ERBB4: variants seen among roughly 807,000 people sequenced by gnomAD.
The protein encoded by ERBB4 is erb-b2 receptor tyrosine kinase 4, also known as receptor tyrosine-protein kinase erbB-4.
ERBB4 carries 42 observed loss-of-function variants against 158.0 expected under a neutral mutation model. The ratio of observed to expected loss-of-function variants is 0.27; its 90% CI spans 0.21 to 0.34. The LOEUF (loss-of-function observed/expected upper bound fraction) is 0.34, where lower values mean the gene tolerates loss of function less well. Ranked by LOEUF, ERBB4 falls within the 10% of genes least tolerant of loss-of-function variation. The pLI, the probability that ERBB4 is intolerant of heterozygous loss-of-function variation, is 1.00. For missense variants in ERBB4, 1,333 were observed against 1,624.1 expected (o/e 0.82, Z 3.08); for synonymous variants, 583 against 558.7 (o/e 1.04, Z -0.61).
At chr2:211,393,911 G>A (rs1452501646) in intron 25 of ERBB4, among the ~76,000 whole-genome samples, 1 of 151,936 alleles carries the variant, frequency 6.6e-6, no homozygotes, top group Non-Finnish European at 1.5e-5. Flanking sequence ...TAACTGGAGA[G>A]CACAAAGATT....
intron 15 of ERBB4, among the ~76,000 whole-genome samples, chr2:211,658,306 C>A (rs1036307614): frequency 1.3e-5 from 2 of 152,078 alleles, no homozygotes; most frequent in Non-Finnish European, 2.9e-5. Context: ...CATGTCTCAA[C>A]AAATATGTTG....
intron 3 of ERBB4, among the ~76,000 whole-genome samples, chr2:211,812,276 C>T (rs1445803842): frequency 1.3e-5 from 2 of 152,156 alleles, no homozygotes; most frequent in Admixed American, 6.5e-5. Flanking sequence ...TCCAACAGGT[C>T]CCTCAGCTGC....
intron 19 of ERBB4, among the ~76,000 whole-genome samples, chr2:211,605,416 A>G (rs1449061959): frequency 6.6e-6 from 1 of 152,152 alleles, no homozygotes; most frequent in African/African-American, 2.4e-5. Flanking sequence ...CATATTAAGA[A>G]AAAACAAGAG....
At chr2:212,507,904 T>G (rs1691284623) in intron 1 of ERBB4, among the ~76,000 whole-genome samples, 1 of 152,162 alleles carries the variant, frequency 6.6e-6, no homozygotes, top group Non-Finnish European at 1.5e-5. Context: ...GTGCGTAAAA[T>G]GCTACAAAAC....
chr2:212,099,802 T>A (rs1429798687), intron 2 of ERBB4, among the ~76,000 whole-genome samples: 1 of 151,312 alleles, frequency 6.6e-6, no homozygotes, highest in Non-Finnish European at 1.5e-5. Context: ...TCTCTCTCCC[T>A]CTCTCTTTTC....
chr2:212,431,329 A>AAC (rs1276260131), intron 1 of ERBB4, among the ~76,000 whole-genome samples: 2 of 150,686 alleles, frequency 1.3e-5, no homozygotes, highest in East Asian at 3.9e-4. Flanking sequence ...AAAAAAAAAA[A>AAC]ACCTTCGTAA....
chr2:211,536,948 A>AC (rs1036628740), intron 20 of ERBB4, among the ~76,000 whole-genome samples: 7 of 152,022 alleles, frequency 4.6e-5, no homozygotes, highest in African/African-American at 1.7e-4. Context: ...ACAAAACAAA[A>AC]AAAAACCACC....
At chr2:212,207,872 C>A (rs1296815568) in intron 1 of ERBB4, among the ~76,000 whole-genome samples, 1 of 152,004 alleles carries the variant, frequency 6.6e-6, no homozygotes, top group Non-Finnish European at 1.5e-5. Flanking sequence ...GAGTTCCTTT[C>A]TTTCATACTG....
At chr2:211,389,504 C>T (rs1457218749) in intron 25 of ERBB4, among the ~76,000 whole-genome samples, 1 of 152,152 alleles carries the variant, frequency 6.6e-6, no homozygotes, top group Non-Finnish European at 1.5e-5. Flanking sequence ...GGGACATGGT[C>T]TGAACCCCTA....
In ERBB4 at chr2:211,486,577, C is replaced by A. The variant is rs374318692; in HGVS notation, c.2488-55477G>T. Among the ~76,000 whole-genome samples, 16 of 152,160 alleles carry A rather than the reference C, an allele frequency of 1.1e-4. No homozygotes were observed. In the South Asian group the frequency reaches 2.9e-3, roughly 28 times the overall value. ...TCTTACAGCTGTTTTGCTTTTGATA[C>A]GTAACAGGTGATGGGTGTAGGTTCG... On this transcript the variant is annotated intron_variant, in intron 20 of 27. Transcript: ENST00000342788.
intron 2 of ERBB4, among the ~76,000 whole-genome samples, chr2:211,986,735 G>A (rs551303508): frequency 6.6e-6 from 1 of 152,218 alleles, no homozygotes; most frequent in African/African-American, 2.4e-5. Flanking sequence ...GGTAACACTT[G>A]CAAGCATCTA....
intron 23 of ERBB4, among the ~76,000 whole-genome samples, chr2:211,422,316 A>C (rs2063529958): frequency 6.6e-6 from 1 of 151,918 alleles, no homozygotes; most frequent in Admixed American, 6.6e-5. Flanking sequence ...ATGTACTGTA[A>C]AACAAAAGAT....
At chr2:212,134,163 T>C (rs2080195289) in intron 1 of ERBB4, among the ~76,000 whole-genome samples, 1 of 151,978 alleles carries the variant, frequency 6.6e-6, no homozygotes, top group South Asian at 2.1e-4. Flanking sequence ...AATATTGCAA[T>C]TTATCATATG....
Position 211,434,917 on chromosome 2 carries a change from T to C in ERBB4, c.2488-3817A>G, listed in dbSNP as rs556521202. 3.2e-4 allele frequency among the ~76,000 whole-genome samples: 49 copies of C among 152,332 alleles called. No homozygotes were observed. In the South Asian group the frequency reaches 7.9e-3, roughly 24 times the overall value. ...TGCACGCTTTCAAATCATTACTTACTAAAGCCACCTTAGTCCTACTTTCAC... is the reference window on the plus strand; with the variant it reads ...TGCACGCTTTCAAATCATTACTTACCAAAGCCACCTTAGTCCTACTTTCAC... On this transcript the variant is annotated intron_variant, in intron 20 of 27. Transcript: ENST00000342788.
At chr2:212,186,174 C>T (rs2125699727) in intron 1 of ERBB4, among the ~76,000 whole-genome samples, 1 of 152,212 alleles carries the variant, frequency 6.6e-6, no homozygotes, top group Non-Finnish European at 1.5e-5. Flanking sequence ...TTGGAAAGTG[C>T]CTCCAGAGGT....
intron 1 of ERBB4, among the ~76,000 whole-genome samples, chr2:212,454,944 A>G (rs964100519): frequency 1.3e-5 from 2 of 152,174 alleles, no homozygotes; most frequent in Admixed American, 1.3e-4. Flanking sequence ...TTTTAGGGAA[A>G]ACAATGTGTG....
At chr2:211,793,221 T>C (rs2076314641) in intron 3 of ERBB4, among the ~76,000 whole-genome samples, 1 of 151,872 alleles carries the variant, frequency 6.6e-6, no homozygotes, top group African/African-American at 2.4e-5. Flanking sequence ...GTCTATATGA[T>C]CGATATTATC....
intron 1 of ERBB4, among the ~76,000 whole-genome samples, chr2:212,411,110 G>A (rs1373286213): frequency 1.3e-5 from 2 of 152,000 alleles, no homozygotes; most frequent in East Asian, 1.9e-4. Flanking sequence ...AGCTCAAGTT[G>A]AAGTAATACA....
At chr2:212,242,567 A>G (rs1368201032) in intron 1 of ERBB4, among the ~76,000 whole-genome samples, 1 of 152,176 alleles carries the variant, frequency 6.6e-6, no homozygotes, top group Admixed American at 6.5e-5. Flanking sequence ...GTAGCTTAAT[A>G]TTAAGCAGGG....
Sources: gnomAD v4.1 joint callset for allele counts (sites outside exome capture counted in the v4.1 genomes callset) on GRCh38, gnomAD v4.1.1 for gene constraint, MANE v1.5 for transcripts, NCBI Gene and HGNC (gene_info 2026-07-23, HGNC 2026-07-21) for gene names.